HCRTR2: variants seen among roughly 807,000 people sequenced by gnomAD.
HCRTR2 encodes the protein orexin receptor type 2.
Under a neutral mutation model 49.0 loss-of-function variants are expected in HCRTR2, and 22 were observed. The observed-to-expected ratio is 0.45, with a 90% CI of 0.32 to 0.64. The LOEUF (loss-of-function observed/expected upper bound fraction) is 0.64, where lower values mean the gene tolerates loss of function less well. Among genes scored for constraint, HCRTR2 ranks in the 30% least tolerant of loss-of-function variants. The probability of loss-of-function intolerance (pLI) is 0.04; values close to 1 mark genes in which losing one functional copy is unlikely to be tolerated. For missense variants in HCRTR2, 491 were observed against 559.4 expected (o/e 0.88, Z 1.23); for synonymous variants, 236 against 205.3 (o/e 1.15, Z -1.28).
chr6:55,191,029 AC>A (rs1765306654), intron 1 of HCRTR2, among the ~76,000 whole-genome samples: 1 of 152,220 alleles, frequency 6.6e-6, no homozygotes, highest in Non-Finnish European at 1.5e-5. Context: ...GTAGATTAAA[AC>A]ACCTCCCTTG....
chr6:55,259,663 TA>T (rs1766717498), intron 3 of HCRTR2, among the ~76,000 whole-genome samples: 1 of 151,720 alleles, frequency 6.6e-6, no homozygotes, highest in Non-Finnish European at 1.5e-5. Flanking sequence ...GTTTCATATA[TA>T]TATATATAAA....
chr6:55,271,915 G>A (rs1766980673), intron 4 of HCRTR2, among the ~76,000 whole-genome samples: 2 of 152,164 alleles, frequency 1.3e-5, no homozygotes, highest in Middle Eastern at 6.8e-3. Flanking sequence ...CATTGTTGGT[G>A]GGAATGCAAA....
intron 5 of HCRTR2, 21 bp downstream of exon 5, chr6:55,277,621 G>T: frequency 6.6e-7 from 1 of 1,516,268 alleles, no homozygotes; most frequent in South Asian, 1.1e-5. Flanking sequence ...TCTGTTATTT[G>T]AAAATGAAAT....
chr6:55,168,274 T>C (rs1224635119), intron 1 of HCRTR2, among the ~76,000 whole-genome samples: 1 of 152,214 alleles, frequency 6.6e-6, no homozygotes, highest in African/African-American at 2.4e-5. Flanking sequence ...ATAATTCTAC[T>C]TTTCAGTACT....
chr6:55,273,309 A>G (rs1318536571), intron 4 of HCRTR2, among the ~76,000 whole-genome samples: 1 of 152,084 alleles, frequency 6.6e-6, no homozygotes, highest in Non-Finnish European at 1.5e-5. Context: ...CTCTATTATG[A>G]TGAAATGGGT....
At chr6:55,275,915 G>C (rs1399914728) in intron 4 of HCRTR2, among the ~76,000 whole-genome samples, 1 of 151,984 alleles carries the variant, frequency 6.6e-6, no homozygotes, top group Non-Finnish European at 1.5e-5. Context: ...TCCTTCAGGG[G>C]AACAGTCAGT....
intron 1 of HCRTR2, among the ~76,000 whole-genome samples, chr6:55,138,543 G>T (rs559891386): frequency 2.2e-4 from 33 of 152,202 alleles, no homozygotes; most frequent in Non-Finnish European, 3.2e-4. Context: ...CAAGCTAGCA[G>T]ATTGAGAAAT....
intron 1 of HCRTR2, among the ~76,000 whole-genome samples, chr6:55,231,121 C>G (rs926525686): frequency 9.2e-5 from 14 of 152,024 alleles, no homozygotes; most frequent in African/African-American, 3.4e-4. Flanking sequence ...AATCAATATT[C>G]TACTTATAAA....
At chr6:55,132,540 A>T (rs1350524369) in intron 1 of HCRTR2, among the ~76,000 whole-genome samples, 2 of 151,906 alleles carry the variant, frequency 1.3e-5, no homozygotes, top group African/African-American at 4.8e-5. Context: ...AGAGAAACAG[A>T]TGGAATGTGG....
At chr6:55,148,250 G>A (rs534146534) in intron 1 of HCRTR2, among the ~76,000 whole-genome samples, 17 of 151,582 alleles carry the variant, frequency 1.1e-4, no homozygotes, top group South Asian at 8.3e-4. Flanking sequence ...GTGTGTGTGC[G>A]TGTGTGTGTG....
intron 1 of HCRTR2, among the ~76,000 whole-genome samples, chr6:55,221,559 A>G (rs1187185330): frequency 2.0e-5 from 3 of 151,834 alleles, no homozygotes; most frequent in South Asian, 4.2e-4. Flanking sequence ...CACGCCTGTA[A>G]TCCCAGCACT....
intron 1 of HCRTR2, among the ~76,000 whole-genome samples, chr6:55,180,053 T>C (rs1765104726): frequency 6.6e-6 from 1 of 152,212 alleles, no homozygotes; most frequent in Admixed American, 6.5e-5. Context: ...GTTCCTTTTT[T>C]CCCTGCAAAG....
chr6:55,272,716 T>G (rs1458820891), intron 4 of HCRTR2, among the ~76,000 whole-genome samples: 1 of 152,046 alleles, frequency 6.6e-6, no homozygotes, highest in Non-Finnish European at 1.5e-5. Flanking sequence ...ACGGGTTGTT[T>G]TATCTGTACT....
chr6:55,146,072 A>C (rs1764577117), intron 1 of HCRTR2, among the ~76,000 whole-genome samples: 1 of 152,196 alleles, frequency 6.6e-6, no homozygotes, highest in Admixed American at 6.5e-5. Flanking sequence ...CCAAGTTAAA[A>C]AATATAGTAT....
chr6:55,185,406 C>G (rs1436169254), intron 1 of HCRTR2, among the ~76,000 whole-genome samples: 1 of 151,936 alleles, frequency 6.6e-6, no homozygotes, highest in Non-Finnish European at 1.5e-5. Context: ...ATTTTTTCCC[C>G]CAGGCATAAT....
intron 1 of HCRTR2, among the ~76,000 whole-genome samples, chr6:55,242,387 GA>G (rs71771116): frequency 0.34 from 50,612 of 151,062 alleles, 9,007 homozygotes; most frequent in African/African-American, 0.45. Flanking sequence ...GCCCCTGGGG[GA>G]AAAAAAAATC....
rs1167981530 is a variant in HCRTR2, at chr6:55,240,357, C to CAAA, written c.224-8257_224-8255dup. 1.6e-3 allele frequency among the ~76,000 whole-genome samples: 74 copies of CAAA among 46,000 alleles called. 5 individuals are homozygous for CAAA. Among genetic ancestry groups the CAAA allele is most frequent in the East Asian group, 4.0e-3 (4 of 1,012 alleles). The allele number at this position is 46,000 out of a possible 152,430, so 30.2% of individuals were successfully genotyped here. Reference sequence around the variant, plus strand: ...TGGACGAAAGAGCGAGACTCCAGCTCAAAAAAAAAAAAAAAAAAAAAAAAA... The same window carrying CAAA: ...TGGACGAAAGAGCGAGACTCCAGCTCAAAAAAAAAAAAAAAAAAAAAAAAAAAA... On this transcript the variant is annotated intron_variant, in intron 1 of 6. Coordinates refer to ENST00000370862, the MANE Select transcript of HCRTR2 (RefSeq NM_001384272.1).
intron 5 of HCRTR2, 143 bp downstream of exon 5, chr6:55,277,743 T>C: frequency 1.4e-6 from 1 of 695,982 alleles, no homozygotes; most frequent in African/African-American, 1.8e-5. Context: ...CTCAGTTATG[T>C]TGTTACCAGC....
intron 1 of HCRTR2, among the ~76,000 whole-genome samples, chr6:55,159,487 A>G (rs1325966556): frequency 6.6e-6 from 1 of 152,188 alleles, no homozygotes; most frequent in Non-Finnish European, 1.5e-5. Context: ...ACAGAGAATG[A>G]GTTTGATGAA....
Sources: gnomAD v4.1 joint callset for allele counts (sites outside exome capture counted in the v4.1 genomes callset) on GRCh38, gnomAD v4.1.1 for gene constraint, MANE v1.5 for transcripts, NCBI Gene and HGNC (gene_info 2026-07-23, HGNC 2026-07-21) for gene names.